The following UCK2 variants were observed in gnomAD, a reference collection of about 807,000 sequenced individuals.
The protein encoded by UCK2 is cytidine monophosphokinase 2.
Under a neutral mutation model 30.8 loss-of-function variants are expected in UCK2, and 6 were observed. The observed-to-expected ratio is 0.19, with a 90% CI of 0.11 to 0.38. UCK2 has a LOEUF of 0.38. UCK2 is among the 10% of genes least tolerant of loss of function. The pLI is 1.00. For synonymous variants in UCK2, 125 were observed against 133.6 expected (o/e 0.94, Z 0.45); for missense variants, 210 against 339.8 (o/e 0.62, Z 3.00).
At chr1:165,870,959 A>G (rs1241868478) in intron 1 of UCK2, among the ~76,000 whole-genome samples, 1 of 152,198 alleles carries the variant, frequency 6.6e-6, no homozygotes, top group Non-Finnish European at 1.5e-5. Flanking sequence ...CTGGGATTAC[A>G]GGCATGTGCC....
chr1:165,897,851 T>C (rs1212244172), intron 4 of UCK2: 1 of 152,128 alleles, frequency 6.6e-6, no homozygotes, highest in Non-Finnish European at 1.5e-5. Flanking sequence ...TTTTGTGTGA[T>C]GGAAAAAAGA....
chr1:165,836,052 A>C (rs1302281061), intron 1 of UCK2, among the ~76,000 whole-genome samples: 1 of 152,138 alleles, frequency 6.6e-6, no homozygotes, highest in Admixed American at 6.5e-5. Context: ...AACATGGGGA[A>C]ACCCCGTCTC....
intron 1 of UCK2, among the ~76,000 whole-genome samples, chr1:165,880,974 C>G (rs1430611471): frequency 6.6e-6 from 1 of 151,876 alleles, no homozygotes; most frequent in East Asian, 1.9e-4. Flanking sequence ...GAGTTCGAGA[C>G]CAGCCTGGCC....
rs1557850677 is a variant in UCK2, at chr1:165,903,240, T to C, written c.558T>C (p.Ile186=). The part of the protein sequence containing the change: ...RDLEQILSQY[I]TFVKPAFEEF... ...TTGAGCAGATTTTATCTCAGTACATTACGTTCGTCAAGCCTGCCTTTGAGG... is the reference window on the plus strand; with the variant it reads ...TTGAGCAGATTTTATCTCAGTACATCACGTTCGTCAAGCCTGCCTTTGAGG... The change falls in exon 5 of 7, where the codon ATT becomes ATC. Residue 186 remains isoleucine, a synonymous_variant. Transcript: ENST00000367879. The C allele has an allele frequency of 1.9e-6, 3 of 1,614,152 alleles. No individual in the cohort carries two copies. Among genetic ancestry groups the C allele is most frequent in the African/African-American group, 2.7e-5 (2 of 75,046 alleles).
intron 1 of UCK2, among the ~76,000 whole-genome samples, chr1:165,842,757 A>G (rs1368135009): frequency 2.6e-5 from 4 of 152,178 alleles, no homozygotes; most frequent in Non-Finnish European, 5.9e-5. Context: ...CGTCGGGTAC[A>G]TTCTTCAATA....
chr1:165,833,053 G>A (rs1051809389), intron 1 of UCK2, among the ~76,000 whole-genome samples: 2 of 152,154 alleles, frequency 1.3e-5, no homozygotes, highest in South Asian at 2.1e-4. Flanking sequence ...CAGCTTGGCC[G>A]TGAGTCAGCA....
chr1:165,888,266 T>TTTCTG (rs561653415), intron 1 of UCK2, among the ~76,000 whole-genome samples: 209 of 152,218 alleles, frequency 1.4e-3, no homozygotes, highest in Non-Finnish European at 1.4e-3. Flanking sequence ...ATATGCTGTT[T>TTTCTG]TTCTGTTCTG....
At chr1:165,890,151 G>C in intron 1 of UCK2, 53 bp from the exon 2 acceptor site, 1 of 1,605,856 alleles carries the variant, frequency 6.2e-7, no homozygotes, top group East Asian at 2.2e-5. Context: ...GACTTCCTCT[G>C]TACCACACGT....
In UCK2 at chr1:165,831,873, C is replaced by A. The variant is rs368286884; in HGVS notation, c.99+3941C>A. Among the ~76,000 whole-genome samples, 9 of 152,294 alleles carry A rather than the reference C, an allele frequency of 5.9e-5. No individual in the cohort carries two copies. In the East Asian group the frequency reaches 1.5e-3, roughly 26 times the overall value. On this transcript the variant is annotated intron_variant, in intron 1 of 6. Coordinates refer to ENST00000367879, the MANE Select transcript of UCK2 (RefSeq NM_012474.5). ...CTCCACCTCCTGGGTTCAAGCAATTCTCCTGCCTCAGCCTCCTGAGTAGCT... is the reference window on the plus strand; with the variant it reads ...CTCCACCTCCTGGGTTCAAGCAATTATCCTGCCTCAGCCTCCTGAGTAGCT...
At chr1:165,849,106 A>G (rs764003102) in intron 1 of UCK2, among the ~76,000 whole-genome samples, 10 of 152,112 alleles carry the variant, frequency 6.6e-5, no homozygotes, top group Non-Finnish European at 1.3e-4. Context: ...TATAGTAGGG[A>G]AGAGCAGAGG....
Position 165,868,548 on chromosome 1 carries a change from A to G in UCK2, c.100-21656A>G, listed in dbSNP as rs551121255. Among the ~76,000 whole-genome samples the G allele has an allele frequency of 7.2e-5, 11 of 152,360 alleles. No homozygotes were observed. In the South Asian group the frequency reaches 2.3e-3, roughly 32 times the overall value. ...CAGCACTTGCCGCTTCATCTAGCAC[A>G]ATATGTTAGGGATATGGTTTCTTAA... On this transcript the variant is annotated intron_variant, in intron 1 of 6. Transcript: ENST00000367879.
At chr1:165,877,969 C>A (rs948624981) in intron 1 of UCK2, among the ~76,000 whole-genome samples, 1 of 152,128 alleles carries the variant, frequency 6.6e-6, no homozygotes. Flanking sequence ...AGTCATGAAC[C>A]TACATTGTCA....
At chr1:165,834,420 C>T (rs575580212) in intron 1 of UCK2, among the ~76,000 whole-genome samples, 25 of 152,128 alleles carry the variant, frequency 1.6e-4, no homozygotes, top group African/African-American at 5.5e-4. Flanking sequence ...AGCCTTAGTC[C>T]CACCATTGCA....
In UCK2 at chr1:165,827,783, G is replaced by C. The variant is rs1367230326; in HGVS notation, c.-51G>C. On this transcript the variant is annotated 5_prime_UTR_variant, in exon 1 of 7. Coordinates refer to ENST00000367879, the MANE Select transcript of UCK2 (RefSeq NM_012474.5). ...AGGGAGTCCGACGCGGGCGCGGGCG[G>C]GGAGCGTGCGTCCGTTCGCACAGGC... 7.6e-7 allele frequency: 1 copy of C among 1,321,772 alleles called. No individual in the cohort carries two copies. The highest frequency in any genetic ancestry group is 1.5e-5 in the African/African-American group (1 of 65,892). 81.9% of individuals were successfully genotyped at this position (1,321,772 alleles called of 1,614,324 possible).
At chr1:165,837,798 T>C (rs575340974) in intron 1 of UCK2, among the ~76,000 whole-genome samples, 26 of 152,336 alleles carry the variant, frequency 1.7e-4, no homozygotes, top group African/African-American at 6.0e-4. Context: ...TCAAACTCTG[T>C]GTATCATAGG....
intron 4 of UCK2, among the ~76,000 whole-genome samples, chr1:165,898,542 C>T (rs1002105491): frequency 6.6e-6 from 1 of 152,186 alleles, no homozygotes; most frequent in Non-Finnish European, 1.5e-5. Flanking sequence ...CGGACTGATG[C>T]CATCACTAGT....
At chr1:165,837,786 T>A (rs1654232243) in intron 1 of UCK2, among the ~76,000 whole-genome samples, 1 of 152,230 alleles carries the variant, frequency 6.6e-6, no homozygotes, top group Admixed American at 6.5e-5. Flanking sequence ...AGTAATTTTT[T>A]TTCAAACTCT....
chr1:165,872,323 C>T (rs540711051), intron 1 of UCK2, among the ~76,000 whole-genome samples: 18 of 152,322 alleles, frequency 1.2e-4, no homozygotes, highest in African/African-American at 4.3e-4. Context: ...GATCTGCCCG[C>T]CTTGGCCTCT....
At chr1:165,882,495 A>G (rs1655522714) in intron 1 of UCK2, among the ~76,000 whole-genome samples, 1 of 152,192 alleles carries the variant, frequency 6.6e-6, no homozygotes, top group Non-Finnish European at 1.5e-5. Flanking sequence ...AAAATACCTG[A>G]CACTGTGTGA....
Sources: allele counts gnomAD v4.1 joint callset (sites outside exome capture counted in the v4.1 genomes callset), GRCh38; gene constraint gnomAD v4.1.1; transcripts MANE v1.5; gene names NCBI Gene and HGNC (gene_info 2026-07-23, HGNC 2026-07-21).